The following SLC22A7 variants were observed in gnomAD, a reference collection of about 807,000 sequenced individuals.
The protein encoded by SLC22A7 is solute carrier family 22 member 7, also known as hOAT2.
Under a neutral mutation model 62.2 loss-of-function variants are expected in SLC22A7, and 48 were observed. That is an observed-to-expected ratio of 0.77 (90% CI 0.61 to 0.98). SLC22A7 has a LOEUF of 0.98. Ranked by LOEUF, SLC22A7 falls within the 50% of genes least tolerant of loss-of-function variation. The pLI, the probability that SLC22A7 is intolerant of heterozygous loss-of-function variation, is 0.00. For synonymous variants in SLC22A7, 276 were observed against 314.8 expected (o/e 0.88, Z 1.30); for missense variants, 581 against 703.8 (o/e 0.83, Z 1.97).
intron 6 of SLC22A7, 83 bp downstream of exon 6, chr6:43,301,341 A>T: frequency 6.3e-7 from 1 of 1,578,752 alleles, no homozygotes. Context: ...CCCAGAGCCC[A>T]CCATATATGG....
chr6:43,303,725 G>A (rs536180399), intron 9 of SLC22A7, among the ~76,000 whole-genome samples: 7 of 152,282 alleles, frequency 4.6e-5, no homozygotes, highest in Admixed American at 3.9e-4. Flanking sequence ...GGCAGGGCCT[G>A]TACAAACTAC....
chr6:43,303,082 T>G, intron 9 of SLC22A7: 1 of 983,176 alleles, frequency 1.0e-6, no homozygotes, highest in African/African-American at 1.7e-5. Flanking sequence ...GTGTTTGCCC[T>G]AGTCTTGGAG....
At chr6:43,301,714 T>G in intron 7 of SLC22A7, 22 bp downstream of exon 7, 1 of 1,564,362 alleles carries the variant, frequency 6.4e-7, no homozygotes, top group Non-Finnish European at 8.8e-7. Context: ...GGCTTGGGTC[T>G]GGCATGGGTG....
Position 43,299,832 on chromosome 6 carries a change from T to G in SLC22A7, c.658+51T>G, listed in dbSNP as rs376659619. 12 of 1,614,056 alleles carry G rather than the reference T, an allele frequency of 7.4e-6. No individual in the cohort carries two copies. Among genetic ancestry groups the G allele is most frequent in the African/African-American group, 2.7e-5 (2 of 74,914 alleles). ...ACCTAGAGGGCTGGAAGAAGGCAGTTGTCAGAGTGAGGCTGAGCCCATCTG... is the reference window on the plus strand; with the variant it reads ...ACCTAGAGGGCTGGAAGAAGGCAGTGGTCAGAGTGAGGCTGAGCCCATCTG... On this transcript the variant is annotated intron_variant, in intron 4 of 10. Coordinates refer to ENST00000372585, the MANE Select transcript of SLC22A7 (RefSeq NM_153320.2). This position sits in a 1 kb window ranked among gnomAD's most constrained non-coding sequence, Gnocchi z 4.4.
Position 43,299,776 on chromosome 6 carries a change from C to T in SLC22A7, c.653C>T (p.Pro218Leu). 6.2e-7 allele frequency: 1 copy of T among 1,614,192 alleles called. No homozygotes were observed. The highest frequency in any genetic ancestry group is 1.1e-5 in the South Asian group (1 of 91,090). Reference protein sequence around the residue: ...ALAGFTIIVMPLELEWLDVEH... With the variant: ...ALAGFTIIVMLLELEWLDVEH... ...GCTGGTTTTACCATCATCGTGATGC[C>T]ACTGGGTGAGGCAGGCAAGAAACAG... Residue 218 changes from proline to leucine, a missense_variant, in exon 4 of 11, where the codon CCA becomes CTA. Transcript: ENST00000372585. This position sits in a 1 kb window ranked among gnomAD's most constrained non-coding sequence, Gnocchi z 4.4.
rs201473236 is a variant in SLC22A7 at position 43,299,638 on chromosome 6, G to C, written c.515G>C (p.Arg172Pro). 1 of 1,614,134 alleles carries C rather than the reference G, an allele frequency of 6.2e-7. No homozygotes were observed. Among genetic ancestry groups the C allele is most frequent in the Non-Finnish European group, 8.5e-7 (1 of 1,180,010 alleles). Reference sequence around the variant, plus strand: ...TGACCCCTTTGCAGGTTTGGGCGGCGGCGTCTGCTGCTGGTAGCCTACGTG... The same window carrying C: ...TGACCCCTTTGCAGGTTTGGGCGGCCGCGTCTGCTGCTGGTAGCCTACGTG... ...FGYLSDRFGRRRLLLVAYVST... is the reference protein window; with the variant it reads ...FGYLSDRFGRPRLLLVAYVST... The change falls in exon 4 of 11, where the codon CGG becomes CCG. Residue 172 changes from arginine to proline, a missense_variant. Transcript: ENST00000372585. This position sits in a 1 kb window ranked among gnomAD's most constrained non-coding sequence, Gnocchi z 4.4.
At chr6:43,298,214 C>G, upstream of SLC22A7, 1 of 724,150 alleles carries the variant, frequency 1.4e-6, no homozygotes, top group East Asian at 2.8e-5. Context: ...AGTCCTGGGC[C>G]AGCCCCTGAG....
chr6:43,301,816 TAAA>T, intron 7 of SLC22A7, 124 bp downstream of exon 7: 2 of 681,968 alleles, frequency 2.9e-6, no homozygotes, highest in Non-Finnish European at 4.9e-6. Flanking sequence ...GGCAGGAGGA[TAAA>T]CCTCCATGGG....
At chr6:43,303,042 C>G (rs558188254) in intron 9 of SLC22A7, 4 of 879,170 alleles carry the variant, frequency 4.5e-6, no homozygotes, top group Non-Finnish European at 5.5e-6. Flanking sequence ...CCACACTACA[C>G]CCAGAATACA....
chr6:43,300,823 G>C (rs1360979590), intron 5 of SLC22A7, among the ~76,000 whole-genome samples: 1 of 152,132 alleles, frequency 6.6e-6, no homozygotes, highest in African/African-American at 2.4e-5. Flanking sequence ...TTTTTGTAGA[G>C]ACAGGGTCTT....
In SLC22A7 at chr6:43,302,113, C is replaced by T. The variant is rs1338104078; in HGVS notation, c.1062-87C>T. Reference sequence around the variant, plus strand: ...GTTGCAGAGACAGAAGGAGATTGCCCTTGTAAAATGCCAAGTCTTCCTGAG... The same window carrying T: ...GTTGCAGAGACAGAAGGAGATTGCCTTTGTAAAATGCCAAGTCTTCCTGAG... On this transcript the variant is annotated intron_variant, in intron 7 of 10. Coordinates refer to ENST00000372585, the MANE Select transcript of SLC22A7 (RefSeq NM_153320.2). The surrounding 1 kb of genome is among the most constrained non-coding windows in gnomAD (Gnocchi z 5.0). 2 of 1,248,060 alleles carry T rather than the reference C, an allele frequency of 1.6e-6. No homozygotes were observed. Among genetic ancestry groups the T allele is most frequent in the Middle Eastern group, 4.6e-4 (2 of 4,348 alleles). The allele number at this position is 1,248,060 out of a possible 1,614,324, so 77.3% of individuals were successfully genotyped here.
Position 43,298,435 on chromosome 6 carries a change from T to G in SLC22A7, c.77T>G (p.Leu26Arg), listed in dbSNP as rs779160744. 18 of 1,613,968 alleles carry G rather than the reference T, an allele frequency of 1.1e-5. 1 individual carries two copies. Among genetic ancestry groups the G allele is most frequent in the Non-Finnish European group, 1.5e-5 (18 of 1,180,040 alleles). Reference protein sequence around the residue: ...FQLRNVALLALPRVLLPLHFL... With the variant: ...FQLRNVALLARPRVLLPLHFL... ...CTGCGGAATGTGGCACTGCTGGCCC[T>G]GCCCCGAGTGCTGCTACCACTGCAC... The change falls in exon 1 of 11, where the codon CTG becomes CGG. Residue 26 changes from leucine to arginine, a missense_variant. Coordinates refer to ENST00000372585, the MANE Select transcript of SLC22A7 (RefSeq NM_153320.2).
At chr6:43,304,615 G>T in intron 10 of SLC22A7, 56 bp from the exon 11 acceptor site, 1 of 1,516,430 alleles carries the variant, frequency 6.6e-7, no homozygotes, top group Non-Finnish European at 9.1e-7. Flanking sequence ...GGGCAGGCTG[G>T]GGTGGTAGGC....
rs1313293653 is a variant in SLC22A7, at chr6:43,298,712, G to C, written c.354G>C (p.Glu118Asp). 1 of 1,527,690 alleles carries C rather than the reference G, an allele frequency of 6.5e-7. No individual in the cohort carries two copies. Among genetic ancestry groups the C allele is most frequent in the East Asian group, 2.3e-5 (1 of 44,186 alleles). 94.6% of individuals were successfully genotyped at this position (1,527,690 alleles called of 1,614,324 possible). ...PATVPCSQGWEYDHSEFSSTI... is the reference protein window; with the variant it reads ...PATVPCSQGWDYDHSEFSSTI... ...CAGTGCCCTGCTCTCAGGGCTGGGA[G>C]TACGACCACTCAGAATTCTCCTCTA... is the stretch of plus-strand genomic sequence containing the variant. The change falls in exon 1 of 11, where the codon GAG becomes GAC. Residue 118 changes from glutamate to aspartate, a missense_variant. By Grantham distance (45) the Glu-to-Asp change is conservative (BLOSUM62 2). Transcript: ENST00000372585.
In SLC22A7 at chr6:43,299,276, T is replaced by A; in HGVS notation, c.400-114T>A. On this transcript the variant is annotated intron_variant, in intron 2 of 10. Coordinates refer to ENST00000372585, the MANE Select transcript of SLC22A7 (RefSeq NM_153320.2). The surrounding 1 kb of genome is among the most constrained non-coding windows in gnomAD (Gnocchi z 4.4). Reference sequence around the variant, plus strand: ...GGAGGTTTATTATCTGGCATGGAGGTACCAGAATGGCAGAGTTCGCCTCAG... The same window carrying A: ...GGAGGTTTATTATCTGGCATGGAGGAACCAGAATGGCAGAGTTCGCCTCAG... 6.2e-7 allele frequency: 1 copy of A among 1,602,120 alleles called. No individual in the cohort carries two copies. Among genetic ancestry groups the A allele is most frequent in the East Asian group, 2.2e-5 (1 of 44,554 alleles).
chr6:43,296,979 G>A (rs1371281095), upstream of SLC22A7, among the ~76,000 whole-genome samples: 1 of 152,096 alleles, frequency 6.6e-6, no homozygotes, highest in Non-Finnish European at 1.5e-5. Flanking sequence ...TAAGGGTAGG[G>A]ACCGTGTCTG....
At position 43,305,477 on chromosome 6, in the gene SLC22A7, G is replaced by A. The variant is rs1289049412; in HGVS notation, c.*752G>A. 3 of 369,096 alleles carry A rather than the reference G, an allele frequency of 8.1e-6. No homozygotes were observed. The highest frequency in any genetic ancestry group is 1.4e-4 in the East Asian group (2 of 13,898). 22.9% of individuals were successfully genotyped at this position (369,096 alleles called of 1,614,324 possible). The stretch of plus-strand genomic sequence containing the variant: ...CCAAAGAAGAGTTGAAGGCATGGGA[G>A]CCAACATTTTATTGAAGAAGCCACA... On this transcript the variant is annotated 3_prime_UTR_variant, in exon 11 of 11. Transcript: ENST00000372585.
chr6:43,297,601 C>T (rs967668191), upstream of SLC22A7, among the ~76,000 whole-genome samples: 3 of 152,186 alleles, frequency 2.0e-5, no homozygotes, highest in African/African-American at 4.8e-5. Context: ...ACATGTCCCC[C>T]GCCATTCCCT....
chr6:43,301,507 T>TG lies in SLC22A7; in HGVS notation c.952-70dup. 5 of 1,201,568 alleles carry TG rather than the reference T, an allele frequency of 4.2e-6. No homozygotes were observed. The East Asian group carries it at 9.6e-5, about 23-fold the overall frequency. 74.4% of individuals were successfully genotyped at this position (1,201,568 alleles called of 1,614,324 possible). ...TGCAGATGGGAGGAATAGAGAGGGG[T>TG]GGGGGGAGAGTACTGTGTCCCATTG... On this transcript the variant is annotated intron_variant, in intron 6 of 10. Transcript: ENST00000372585.
Sources: gnomAD v4.1 joint callset for allele counts (sites outside exome capture counted in the v4.1 genomes callset) on GRCh38, gnomAD v4.1.1 for gene constraint, Gnocchi (gnomAD v3.1) non-coding constraint, MANE v1.5 for transcripts, NCBI Gene and HGNC (gene_info 2026-07-23, HGNC 2026-07-21) for gene names.